The following C12orf54 variants were observed in gnomAD, a reference collection of about 807,000 sequenced individuals.
C12orf54 encodes the protein uncharacterized protein C12orf54.
C12orf54 carries 24 observed loss-of-function variants against 26.4 expected under a neutral mutation model. The observed-to-expected ratio is 0.91, with a 90% confidence interval of 0.66 to 1.28. C12orf54 has a LOEUF of 1.28. C12orf54 is among the 50% of genes most tolerant of loss of function. The probability of loss-of-function intolerance (pLI) is 0.00; values close to 1 mark genes in which losing one functional copy is unlikely to be tolerated. For missense variants in C12orf54, 154 were observed against 150.9 expected (o/e 1.02, Z -0.11); for synonymous variants, 54 against 47.0 (o/e 1.15, Z -0.61).
At chr12:48,450,731 A>C in the C12orf54 span, among the ~76,000 whole-genome samples, 1 of 152,216 alleles carries the variant, frequency 6.6e-6, no homozygotes. Flanking sequence ...ATCTAGAAGA[A>C]ATGGACAAGT....
the C12orf54 span, chr12:48,473,718 A>T: frequency 5.7e-6 from 1 of 176,928 alleles, no homozygotes; most frequent in Non-Finnish European, 1.2e-5. Flanking sequence ...GCTCTCAAAG[A>T]AGATGGTTTG....
At chr12:48,427,003 T>C in the C12orf54 span, among the ~76,000 whole-genome samples, 1 of 152,146 alleles carries the variant, frequency 6.6e-6, no homozygotes, top group Non-Finnish European at 1.5e-5. Flanking sequence ...GTTTTCTAGA[T>C]ACAGAATCAT....
chr12:48,492,851 T>A, intron 6 of C12orf54, 96 bp from the exon 7 acceptor site: 1 of 1,144,484 alleles, frequency 8.7e-7, no homozygotes, highest in Non-Finnish European at 1.3e-6. Flanking sequence ...ACCCTCCCAC[T>A]TTGACTATAC....
In C12orf54 at chr12:48,494,769, T is replaced by TGTCTAC. The variant is rs760446692; in HGVS notation, c.243-28_243-23dup. 9.9e-6 allele frequency: 16 copies of TGTCTAC among 1,608,456 alleles called. No homozygotes were observed. In the South Asian group the frequency reaches 1.8e-4, roughly 18 times the overall value. Reference sequence around the variant, plus strand: ...GAAAGGGTAAGATCTCTTTCCCTCATGTCTACAACTTTCTCTATTTTGGCA... The same window carrying TGTCTAC: ...GAAAGGGTAAGATCTCTTTCCCTCATGTCTACGTCTACAACTTTCTCTATTTTGGCA... On this transcript the variant is annotated intron_variant, in intron 7 of 8. Transcript: ENST00000548364.
the C12orf54 span, among the ~76,000 whole-genome samples, chr12:48,468,209 G>A: frequency 3.1e-4 from 47 of 152,160 alleles, no homozygotes; most frequent in Admixed American, 3.0e-3. Flanking sequence ...GGCAAGTGGT[G>A]GCAGCTGCTG....
At chr12:48,478,365 C>A (rs1218276884), upstream of C12orf54, among the ~76,000 whole-genome samples, 1 of 152,176 alleles carries the variant, frequency 6.6e-6, no homozygotes, top group African/African-American at 2.4e-5. Context: ...TCTCACCACT[C>A]CTATTCAACA....
chr12:48,433,066 T>C, the C12orf54 span, among the ~76,000 whole-genome samples: 1 of 152,172 alleles, frequency 6.6e-6, no homozygotes, highest in East Asian at 1.9e-4. Flanking sequence ...GTAGTAAATA[T>C]ATCTGAATTT....
At chr12:48,473,781 C>T in the C12orf54 span, among the ~76,000 whole-genome samples, 16 of 152,292 alleles carry the variant, frequency 1.1e-4, no homozygotes, top group East Asian at 2.1e-3. Context: ...GGTGGAAGTC[C>T]GCGGCTGGTC....
chr12:48,452,754 C>T, the C12orf54 span, among the ~76,000 whole-genome samples: 1 of 152,086 alleles, frequency 6.6e-6, no homozygotes, highest in African/African-American at 2.4e-5. Flanking sequence ...ATGAAAAAAA[C>T]TTCAACATCA....
At chr12:48,483,388 A>G (rs748858114) in intron 2 of C12orf54, 27 bp downstream of exon 2, 3 of 1,603,636 alleles carry the variant, frequency 1.9e-6, no homozygotes, top group African/African-American at 2.7e-5. Flanking sequence ...TGACCCTCAA[A>G]CATCCTTAGA....
At chr12:48,455,600 A>G in the C12orf54 span, among the ~76,000 whole-genome samples, 1 of 152,238 alleles carries the variant, frequency 6.6e-6, no homozygotes, top group African/African-American at 2.4e-5. Flanking sequence ...GTTTTGGAGC[A>G]GAGAGGCTGA....
intron 4 of C12orf54, among the ~76,000 whole-genome samples, chr12:48,487,044 A>T (rs752000694): frequency 5.3e-5 from 8 of 152,246 alleles, no homozygotes; most frequent in African/African-American, 1.9e-4. Flanking sequence ...GGCCTTTCAC[A>T]AACATGAAAA....
At chr12:48,456,438 C>G in the C12orf54 span, among the ~76,000 whole-genome samples, 1 of 152,056 alleles carries the variant, frequency 6.6e-6, no homozygotes, top group East Asian at 1.9e-4. Context: ...AGTCTTAGAA[C>G]GAGGAGTGGC....
At chr12:48,441,328 A>G in the C12orf54 span, among the ~76,000 whole-genome samples, 1 of 152,102 alleles carries the variant, frequency 6.6e-6, no homozygotes, top group Non-Finnish European at 1.5e-5. Context: ...TTAGACTAAA[A>G]TTCCTAAGAC....
At chr12:48,451,377 A>G in the C12orf54 span, among the ~76,000 whole-genome samples, 1 of 152,196 alleles carries the variant, frequency 6.6e-6, no homozygotes, top group Non-Finnish European at 1.5e-5. Context: ...ACCCACAGCC[A>G]ATATCATACT....
chr12:48,432,484 G>A, the C12orf54 span, among the ~76,000 whole-genome samples: 1 of 151,266 alleles, frequency 6.6e-6, no homozygotes, highest in South Asian at 2.1e-4. Flanking sequence ...CCTTAATGCT[G>A]AAACATGAGA....
At chr12:48,434,519 A>C in the C12orf54 span, among the ~76,000 whole-genome samples, 4 of 152,136 alleles carry the variant, frequency 2.6e-5, no homozygotes, top group African/African-American at 9.7e-5. Flanking sequence ...CCCCAGTAGG[A>C]GGGGACTGAC....
chr12:48,458,710 C>T, the C12orf54 span, among the ~76,000 whole-genome samples: 1 of 150,702 alleles, frequency 6.6e-6, no homozygotes, highest in African/African-American at 2.4e-5. Flanking sequence ...GACACCTGCT[C>T]CACAGAGGAT....
the C12orf54 span, among the ~76,000 whole-genome samples, chr12:48,441,296 G>A: frequency 6.6e-6 from 1 of 152,094 alleles, no homozygotes; most frequent in Non-Finnish European, 1.5e-5. Context: ...CATGCAAAAA[G>A]GCTGACCTTT....
Sources: allele counts gnomAD v4.1 joint callset (sites outside exome capture counted in the v4.1 genomes callset), GRCh38; gene constraint gnomAD v4.1.1; transcripts MANE v1.5; gene names NCBI Gene and HGNC (gene_info 2026-07-23, HGNC 2026-07-21).